The following ABHD6 variants were observed in gnomAD, a reference collection of about 807,000 sequenced individuals.
ABHD6 encodes monoacylglycerol lipase ABHD6.
A neutral mutation model predicts 38.8 loss-of-function variants in ABHD6; 33 were observed. That is an observed-to-expected ratio of 0.85 (90% CI 0.64 to 1.14). The LOEUF is 1.14. ABHD6 is among the 50% of genes most tolerant of loss of function. ABHD6 has a pLI of 0.00. For missense variants in ABHD6, 380 were observed against 422.6 expected (o/e 0.90, Z 0.88); for synonymous variants, 147 against 161.6 (o/e 0.91, Z 0.69).
chr3:58,283,123 A>G (rs1008736696), intron 7 of ABHD6, among the ~76,000 whole-genome samples: 2 of 152,170 alleles, frequency 1.3e-5, no homozygotes, highest in African/African-American at 4.8e-5. Flanking sequence ...AGTTGTGAAC[A>G]TGGCTCAGTT....
Position 58,238,099 on chromosome 3 carries a change from G to A in ABHD6, c.-91+183G>A, listed in dbSNP as rs2097420338. The stretch of plus-strand genomic sequence containing the variant: ...GCGCTGCCCCCACCTCCCGCTGCCT[G>A]GATAGGTTTGAGATGCCCGAAACCC... On this transcript the variant is annotated intron_variant, in intron 1 of 9. Coordinates refer to ENST00000478253, the MANE Select transcript of ABHD6 (RefSeq NM_001320126.2). This position sits in a 1 kb window ranked among gnomAD's most constrained non-coding sequence, Gnocchi z 6.9. The A allele has an allele frequency of 1.3e-5, 2 of 152,396 alleles. No individual in the cohort carries two copies. Among genetic ancestry groups the A allele is most frequent in the Admixed American group, 1.3e-4 (2 of 15,284 alleles). The allele number at this position is 152,396 out of a possible 1,614,324, so 9.4% of individuals were successfully genotyped here.
At chr3:58,289,662 G>T (rs1308727309) in intron 9 of ABHD6, among the ~76,000 whole-genome samples, 15 of 152,174 alleles carry the variant, frequency 9.9e-5, no homozygotes, top group Non-Finnish European at 1.9e-4. Flanking sequence ...GCAACCATCC[G>T]ATTTCTCAAT....
Position 58,285,264 on chromosome 3 carries a change from G to A in ABHD6, c.737-89G>A. The A allele has an allele frequency of 5.3e-6, 8 of 1,518,244 alleles. No homozygotes were observed. The highest frequency in any genetic ancestry group is 7.3e-6 in the Non-Finnish European group (8 of 1,093,530). The allele number at this position is 1,518,244 out of a possible 1,614,324, so 94.0% of individuals were successfully genotyped here. ...GGGCCCCTGAAGAGAGGAAGTGGTG[G>A]CCTGGATCTGGTGACTATCCCTTGA... On this transcript the variant is annotated intron_variant, in intron 8 of 9. Transcript: ENST00000478253. The surrounding 1 kb of genome is among the most constrained non-coding windows in gnomAD (Gnocchi z 4.9).
chr3:58,292,668 G>A (rs1006084028), intron 9 of ABHD6, among the ~76,000 whole-genome samples: 1 of 152,092 alleles, frequency 6.6e-6, no homozygotes, highest in Non-Finnish European at 1.5e-5. Context: ...TGTAATCCTA[G>A]CACTTTGGGA....
In ABHD6 at chr3:58,285,502, G is replaced by GA; in HGVS notation, c.837+50dup. On this transcript the variant is annotated intron_variant, in intron 9 of 9. Coordinates refer to ENST00000478253, the MANE Select transcript of ABHD6 (RefSeq NM_001320126.2). This position sits in a 1 kb window ranked among gnomAD's most constrained non-coding sequence, Gnocchi z 4.9. ...GTCTGTGCTGGTCACCAGGGCCTCTGAGGAAAAACGTCCTTGAGGAAGAAC... is the reference window on the plus strand; with the variant it reads ...GTCTGTGCTGGTCACCAGGGCCTCTGAAGGAAAAACGTCCTTGAGGAAGAAC... 1 of 1,472,934 alleles carries GA rather than the reference G, an allele frequency of 6.8e-7. No homozygotes were observed. Among genetic ancestry groups the GA allele is most frequent in the Non-Finnish European group, 9.5e-7 (1 of 1,052,070 alleles). 91.2% of individuals were successfully genotyped at this position (1,472,934 alleles called of 1,614,324 possible). A position where few individuals can be genotyped will look rare whatever the true frequency, so the allele number is the denominator to read the frequency against.
chr3:58,286,209 C>T (rs1158456965), intron 9 of ABHD6, among the ~76,000 whole-genome samples: 1 of 152,064 alleles, frequency 6.6e-6, no homozygotes, highest in Non-Finnish European at 1.5e-5. Flanking sequence ...TTAGTAGAGA[C>T]GGGGTTTCAC....
Position 58,285,463 on chromosome 3 carries a change from A to G in ABHD6, c.837+10A>G. 1 of 1,610,698 alleles carries G rather than the reference A, an allele frequency of 6.2e-7. No individual in the cohort carries two copies. Among genetic ancestry groups the G allele is most frequent in the South Asian group, 1.1e-5 (1 of 90,984 alleles). On this transcript the variant is annotated intron_variant, in intron 9 of 9. Coordinates refer to ENST00000478253, the MANE Select transcript of ABHD6 (RefSeq NM_001320126.2). The surrounding 1 kb of genome is among the most constrained non-coding windows in gnomAD (Gnocchi z 4.9). ...GGGGAAACAAGACCAGGTATGTAAC[A>G]CATCCCCGCGGCAGTCTGTGCTGGT...
chr3:58,262,168 A>G (rs1203781609), intron 3 of ABHD6, among the ~76,000 whole-genome samples: 1 of 152,202 alleles, frequency 6.6e-6, no homozygotes, highest in African/African-American at 2.4e-5. Context: ...AGAGGTTGCT[A>G]GGGGACTGGG....
At chr3:58,264,179 A>AT (rs2097439114) in intron 3 of ABHD6, among the ~76,000 whole-genome samples, 1 of 152,092 alleles carries the variant, frequency 6.6e-6, no homozygotes. Context: ...GTTAGTATTG[A>AT]TTTTTTCTAA....
Position 58,238,072 on chromosome 3 carries a change from G to C in ABHD6, c.-91+156G>C, listed in dbSNP as rs1051350565. 3 of 152,282 alleles carry C rather than the reference G, an allele frequency of 2.0e-5. No homozygotes were observed. The highest frequency in any genetic ancestry group is 2.0e-4 in the Admixed American group (3 of 15,282). 9.4% of individuals were successfully genotyped at this position (152,282 alleles called of 1,614,324 possible). On this transcript the variant is annotated intron_variant, in intron 1 of 9. Coordinates refer to ENST00000478253, the MANE Select transcript of ABHD6 (RefSeq NM_001320126.2). The surrounding 1 kb of genome is among the most constrained non-coding windows in gnomAD (Gnocchi z 6.9). Reference sequence around the variant, plus strand: ...TGCCTTTCCACTCCGCTCCCCGCGCGGGCGCTGCCCCCACCTCCCGCTGCC... The same window carrying C: ...TGCCTTTCCACTCCGCTCCCCGCGCCGGCGCTGCCCCCACCTCCCGCTGCC...
In ABHD6 at chr3:58,274,690, C is replaced by T; in HGVS notation, c.556C>T (p.Gln186Ter). 1 of 1,614,210 alleles carries T rather than the reference C, an allele frequency of 6.2e-7. No homozygotes were observed. Among genetic ancestry groups the T allele is most frequent in the Admixed American group, 1.7e-5 (1 of 60,026 alleles). ...LQYSTDNQFVQRLKELQGSAA... is the reference protein window; with the variant it reads ...LQYSTDNQFV Reference sequence around the variant, plus strand: ...GTACTCAACTGACAATCAATTTGTACAACGGCTCAAAGAACTGCAGGGCTC... The same window carrying T: ...GTACTCAACTGACAATCAATTTGTATAACGGCTCAAAGAACTGCAGGGCTC... Residue 186 changes from glutamine (Q) to a stop codon, truncating the protein, a stop_gained, in exon 7 of 10, where the codon CAA becomes TAA. Coordinates refer to ENST00000478253, the MANE Select transcript of ABHD6 (RefSeq NM_001320126.2). LOFTEE classifies it high-confidence loss of function.
At position 58,286,848 on chromosome 3, in the gene ABHD6, G is replaced by GCATATA. The variant is rs746605515; in HGVS notation, c.837+1395_837+1396insCATATA. On this transcript the variant is annotated intron_variant, in intron 9 of 9. Coordinates refer to ENST00000478253, the MANE Select transcript of ABHD6 (RefSeq NM_001320126.2). ...TGTGTGTGTGTGTGTGTGTGTGTGT[G>GCATATA]TGTGTATATATATATATATATGTAT... 8.3e-3 allele frequency among the ~76,000 whole-genome samples: 578 copies of GCATATA among 70,036 alleles called. 48 individuals are homozygous for GCATATA. The highest frequency in any genetic ancestry group is 0.012 in the Non-Finnish European group (446 of 37,280). The allele number at this position is 70,036 out of a possible 152,430, so 45.9% of individuals were successfully genotyped here. A position where few individuals can be genotyped will look rare whatever the true frequency, so the allele number is the denominator to read the frequency against.
In ABHD6 at chr3:58,244,588, G is replaced by A. The variant is rs140137484; in HGVS notation, c.-90-5290G>A. Among the ~76,000 whole-genome samples, 140 of 152,128 alleles carry A rather than the reference G, an allele frequency of 9.2e-4. No individual in the cohort carries two copies. In the Middle Eastern group the frequency reaches 0.014, roughly 15 times the overall value. On this transcript the variant is annotated intron_variant, in intron 1 of 9. Transcript: ENST00000478253. ...GAGAACAGCCTGGGTAACATAGAGA[G>A]ACCCCATCTCTGCAAAAAATGAAAA...
intron 3 of ABHD6, among the ~76,000 whole-genome samples, chr3:58,261,966 A>C (rs1460644020): frequency 6.6e-6 from 1 of 152,236 alleles, no homozygotes; most frequent in Non-Finnish European, 1.5e-5. Context: ...ATGGATAAAC[A>C]AAATGTGGTA....
rs1203502620 is a variant in ABHD6, at chr3:58,294,004, C to T, written c.*239C>T. The T allele has an allele frequency of 9.9e-6, 4 of 402,252 alleles. No homozygotes were observed. In the East Asian group the frequency reaches 1.2e-4, roughly 12 times the overall value. 24.9% of individuals were successfully genotyped at this position (402,252 alleles called of 1,614,324 possible). A position where few individuals can be genotyped will look rare whatever the true frequency, so the allele number is the denominator to read the frequency against. On this transcript the variant is annotated 3_prime_UTR_variant, in exon 10 of 10. Transcript: ENST00000478253. The stretch of plus-strand genomic sequence containing the variant: ...ATGGAACAAAATAAGAAACCCCAGC[C>T]ATGAAATCTACCATGAAGTCTTCAA...
chr3:58,293,523 C>G lies in ABHD6; in HGVS notation c.838-66C>G. ...TGCCAGGCCTTGGTGGAAGTTCTGTCCACAGAGTGCACACGTGGGTGTCTG... is the reference window on the plus strand; with the variant it reads ...TGCCAGGCCTTGGTGGAAGTTCTGTGCACAGAGTGCACACGTGGGTGTCTG... On this transcript the variant is annotated intron_variant, in intron 9 of 9. Transcript: ENST00000478253. The surrounding 1 kb of genome is among the most constrained non-coding windows in gnomAD (Gnocchi z 4.4). 8 of 1,554,550 alleles carry G rather than the reference C, an allele frequency of 5.1e-6. No homozygotes were observed. Among genetic ancestry groups the G allele is most frequent in the Non-Finnish European group, 7.0e-6 (8 of 1,141,828 alleles).
At chr3:58,274,876 C>T (rs1380683730) in intron 7 of ABHD6, 61 bp downstream of exon 7, 1 of 1,557,104 alleles carries the variant, frequency 6.4e-7, no homozygotes, top group Non-Finnish European at 8.7e-7. Flanking sequence ...CGAGTACCAG[C>T]TTCCTGCACG....
At chr3:58,286,214 T>G (rs1039556246) in intron 9 of ABHD6, among the ~76,000 whole-genome samples, 5 of 151,966 alleles carry the variant, frequency 3.3e-5, no homozygotes, top group African/African-American at 1.2e-4. Context: ...AGAGACGGGG[T>G]TTCACCATGT....
chr3:58,293,195 A>C lies in ABHD6; in HGVS notation c.838-394A>C, dbSNP rs1216110390. On this transcript the variant is annotated intron_variant, in intron 9 of 9. Coordinates refer to ENST00000478253, the MANE Select transcript of ABHD6 (RefSeq NM_001320126.2). This position sits in a 1 kb window ranked among gnomAD's most constrained non-coding sequence, Gnocchi z 4.4. ...TCGCCATGATCTCCCACCCTGTGCCATTCCCACATCCGTGAATGCTCCTCC... is the reference window on the plus strand; with the variant it reads ...TCGCCATGATCTCCCACCCTGTGCCCTTCCCACATCCGTGAATGCTCCTCC... Among the ~76,000 whole-genome samples, 1 of 151,916 alleles carries C rather than the reference A, an allele frequency of 6.6e-6. No homozygotes were observed. The highest frequency in any genetic ancestry group is 1.5e-5 in the Non-Finnish European group (1 of 67,976).
Sources: allele counts gnomAD v4.1 joint callset (sites outside exome capture counted in the v4.1 genomes callset), GRCh38; gene constraint gnomAD v4.1.1; non-coding constraint Gnocchi (gnomAD v3.1); transcripts MANE v1.5; gene names NCBI Gene and HGNC (gene_info 2026-07-23, HGNC 2026-07-21).